ST13: variants seen among roughly 807,000 people sequenced by gnomAD.
ST13 encodes the protein hsc70-interacting protein.
Under a neutral mutation model 56.7 loss-of-function variants are expected in ST13, and 23 were observed. The observed-to-expected ratio is 0.41, with a 90% CI of 0.29 to 0.57. The LOEUF (loss-of-function observed/expected upper bound fraction) is 0.57, where lower values mean the gene tolerates loss of function less well. Among genes scored for constraint, ST13 ranks in the 20% least tolerant of loss-of-function variants. The probability of loss-of-function intolerance (pLI) is 0.36; values close to 1 mark genes in which losing one functional copy is unlikely to be tolerated. For missense variants in ST13, 369 were observed against 459.9 expected (o/e 0.80, Z 1.81); for synonymous variants, 132 against 142.4 (o/e 0.93, Z 0.52).
At chr22:40,855,707 G>A (rs750144441) in intron 1 of ST13, among the ~76,000 whole-genome samples, 1 of 152,082 alleles carries the variant, frequency 6.6e-6, no homozygotes, top group South Asian at 2.1e-4. Context: ...CGTCTAAATA[G>A]ACAGTACTTA....
At chr22:40,853,722 A>G (rs2057873610) in intron 1 of ST13, among the ~76,000 whole-genome samples, 4 of 152,230 alleles carry the variant, frequency 2.6e-5, no homozygotes, top group Admixed American at 2.6e-4. Context: ...GTAGAAATGC[A>G]TTCTGTTCAT....
rs2057898493 is a variant in ST13 at position 40,856,579 on chromosome 22, C to G, written c.-39G>C. 1 of 1,564,326 alleles carries G rather than the reference C, an allele frequency of 6.4e-7. No individual in the cohort carries two copies. The highest frequency in any genetic ancestry group is 2.2e-5 in the East Asian group (1 of 44,626). ...TGGGCGAAACTGGGGGGGCTACGGC[C>G]CGGTTCCAGGCCCAGGCGCTGGCTC... On this transcript the variant is annotated 5_prime_UTR_variant, in exon 1 of 12. Transcript: ENST00000216218.
chr22:40,841,798 G>A (rs2057805982), intron 4 of ST13, among the ~76,000 whole-genome samples: 1 of 150,956 alleles, frequency 6.6e-6, no homozygotes, highest in African/African-American at 2.4e-5. Context: ...TCATCATGCT[G>A]CCCAGGCTGG....
chr22:40,835,070 C>T (rs991218193), intron 7 of ST13, among the ~76,000 whole-genome samples: 2 of 152,194 alleles, frequency 1.3e-5, no homozygotes, highest in African/African-American at 2.4e-5. Context: ...TATGCCCCCC[C>T]GCCTTCTCCT....
intron 1 of ST13, among the ~76,000 whole-genome samples, chr22:40,852,771 A>C (rs2057868376): frequency 6.6e-6 from 1 of 152,222 alleles, no homozygotes; most frequent in South Asian, 2.1e-4. Context: ...TATAGACACC[A>C]CAAAATTCTT....
chr22:40,827,022 C>CT, intron 11 of ST13, 74 bp downstream of exon 11: 1 of 1,513,838 alleles, frequency 6.6e-7, no homozygotes, highest in East Asian at 2.3e-5. Flanking sequence ...TGAGAGTAAC[C>CT]TTTGTCTCCA....
chr22:40,846,000 A>G (rs1374435462), intron 3 of ST13, among the ~76,000 whole-genome samples: 2 of 152,096 alleles, frequency 1.3e-5, no homozygotes, highest in African/African-American at 4.8e-5. Context: ...GCAGTGGCGC[A>G]ATCTTGGCTC....
intron 4 of ST13, among the ~76,000 whole-genome samples, chr22:40,843,617 T>C (rs1374036000): frequency 6.6e-6 from 1 of 152,090 alleles, no homozygotes; most frequent in Non-Finnish European, 1.5e-5. Context: ...AACCTCAAAG[T>C]AATAAAGCAG....
intron 3 of ST13, among the ~76,000 whole-genome samples, chr22:40,846,834 A>T (rs968067204): frequency 4.6e-5 from 7 of 151,974 alleles, no homozygotes; most frequent in African/African-American, 1.7e-4. Context: ...CTCTCCTGAA[A>T]ATACAAAAAA....
chr22:40,841,836 G>C (rs999989611), intron 4 of ST13, among the ~76,000 whole-genome samples: 1 of 151,692 alleles, frequency 6.6e-6, no homozygotes, highest in African/African-American at 2.4e-5. Context: ...CAAGTGAGTT[G>C]CCTGCCTCAC....
chr22:40,837,314 T>G (rs2042913796), intron 5 of ST13, among the ~76,000 whole-genome samples: 1 of 152,258 alleles, frequency 6.6e-6, no homozygotes, highest in East Asian at 1.9e-4. Context: ...AAACCTAAAT[T>G]TTTTTTATGA....
chr22:40,837,463 G>A (rs1334950211), intron 5 of ST13, among the ~76,000 whole-genome samples: 1 of 152,004 alleles, frequency 6.6e-6, no homozygotes, highest in African/African-American at 2.4e-5. Context: ...CCTGACCAAC[G>A]TGGAGAAACC....
chr22:40,851,493 C>T (rs2057860950), intron 1 of ST13, among the ~76,000 whole-genome samples: 1 of 152,124 alleles, frequency 6.6e-6, no homozygotes, highest in Non-Finnish European at 1.5e-5. Flanking sequence ...CAGGGCAACA[C>T]AATTCATTAT....
chr22:40,850,441 T>TA (rs2057855721), intron 2 of ST13, among the ~76,000 whole-genome samples: 1 of 152,240 alleles, frequency 6.6e-6, no homozygotes, highest in Admixed American at 6.5e-5. Context: ...GCAAAAAAAT[T>TA]AAATTACTGA....
intron 5 of ST13, among the ~76,000 whole-genome samples, chr22:40,839,373 C>T (rs184619552): frequency 6.6e-6 from 1 of 152,178 alleles, no homozygotes; most frequent in Non-Finnish European, 1.5e-5. Context: ...GACACACTAT[C>T]ACTGTTATAA....
rs546351608 is a variant in ST13 at position 40,832,916 on chromosome 22, T to G, written c.579-245A>C. On this transcript the variant is annotated intron_variant, in intron 7 of 11. Transcript: ENST00000216218. Reference sequence around the variant, plus strand: ...ACTAAAAGCTAAAAAACAAACAAAATCTTTCTTAATTCAGAATATCGTAAT... The same window carrying G: ...ACTAAAAGCTAAAAAACAAACAAAAGCTTTCTTAATTCAGAATATCGTAAT... Among the ~76,000 whole-genome samples, 4 of 152,370 alleles carry G rather than the reference T, an allele frequency of 2.6e-5. No homozygotes were observed. The East Asian group carries it at 7.7e-4, about 29-fold the overall frequency.
intron 9 of ST13, among the ~76,000 whole-genome samples, chr22:40,830,127 T>C (rs1356200039): frequency 6.6e-6 from 1 of 152,178 alleles, no homozygotes; most frequent in African/African-American, 2.4e-5. Context: ...AAAATAAATA[T>C]CCCTCATATG....
chr22:40,842,687 G>C (rs2057810234), intron 4 of ST13, among the ~76,000 whole-genome samples: 2 of 152,136 alleles, frequency 1.3e-5, no homozygotes, highest in South Asian at 4.1e-4. Context: ...GCTAAAGAAA[G>C]TTAACCCTAG....
intron 5 of ST13, among the ~76,000 whole-genome samples, chr22:40,839,717 A>G (rs556071523): frequency 6.6e-6 from 1 of 151,834 alleles, no homozygotes; most frequent in South Asian, 2.1e-4. Context: ...AGCCGAGATC[A>G]CGCCACTGCA....
Sources: allele counts gnomAD v4.1 joint callset (sites outside exome capture counted in the v4.1 genomes callset), GRCh38; gene constraint gnomAD v4.1.1; transcripts MANE v1.5; gene names NCBI Gene and HGNC (gene_info 2026-07-23, HGNC 2026-07-21).